The following HDLBP variants were observed in gnomAD, a reference collection of about 807,000 sequenced individuals.
HDLBP encodes the protein high density lipoprotein binding protein.
Under a neutral mutation model 137.3 loss-of-function variants are expected in HDLBP, and 30 were observed. That is an observed-to-expected ratio of 0.22 (90% CI 0.16 to 0.30). The LOEUF (loss-of-function observed/expected upper bound fraction) is 0.30. Ranked by LOEUF, HDLBP falls within the 10% of genes least tolerant of loss-of-function variation. The pLI is 1.00. For missense variants in HDLBP, 1,119 were observed against 1,667.3 expected, an observed-to-expected ratio of 0.67 and a Z score of 5.73; for synonymous variants, 606 against 596.0, an observed-to-expected ratio of 1.02 and a Z score of -0.24.
In HDLBP at chr2:241,272,701, AGCCC is replaced by A. The variant is rs1160192672; in HGVS notation, c.-102-4164_-102-4161del. On this transcript the variant is annotated intron_variant, in intron 1 of 27. Coordinates refer to ENST00000310931, the MANE Select transcript of HDLBP (RefSeq NM_005336.6). This position sits in a 1 kb window ranked among gnomAD's most constrained non-coding sequence, Gnocchi z 5.6. ...GCCACCCCCCACCCCCCCGCCCGGC[AGCCC>A]GCCCGCCCCGTCCGCCCGCCCGCCC... The A allele has an allele frequency of 2.6e-5, 15 of 583,086 alleles. No homozygotes were observed. Among genetic ancestry groups the A allele is most frequent in the Non-Finnish European group, 2.7e-5 (14 of 510,302 alleles). The allele number at this position is 583,086 out of a possible 1,614,324, so 36.1% of individuals were successfully genotyped here.
At chr2:241,296,891 G>A (rs2075200555) in intron 1 of HDLBP, among the ~76,000 whole-genome samples, 2 of 152,254 alleles carry the variant, frequency 1.3e-5, no homozygotes, top group Non-Finnish European at 2.9e-5. Context: ...AGGTGTGACA[G>A]GTGAGGCTCA....
intron 1 of HDLBP, among the ~76,000 whole-genome samples, chr2:241,313,761 C>T (rs959402905): frequency 2.0e-5 from 3 of 152,282 alleles, no homozygotes; most frequent in African/African-American, 7.2e-5. Context: ...GAAATTCTCC[C>T]ACCAGGCCAC....
chr2:241,245,289 T>C (rs949062482), intron 16 of HDLBP, among the ~76,000 whole-genome samples: 69 of 151,528 alleles, frequency 4.6e-4, no homozygotes, highest in African/African-American at 1.6e-3. Context: ...GCTCAAGCCA[T>C]CCTCTCACCT....
In HDLBP at chr2:241,306,330, C is replaced by T. The variant is rs62186418; in HGVS notation, c.-103+9240G>A. Among the ~76,000 whole-genome samples the T allele has an allele frequency of 7.3e-3, 1,106 of 151,580 alleles. 3 individuals carry two copies. The highest frequency in any genetic ancestry group is 0.013 in the Non-Finnish European group (878 of 67,880). On this transcript the variant is annotated intron_variant, in intron 1 of 27. Transcript: ENST00000310931. The stretch of plus-strand genomic sequence containing the variant: ...TGGCTGGAGTGCAATGGCGTGATCT[C>T]GGCTCACTGCAACCTCTGCCTCCCA...
chr2:241,300,813 G>A (rs892891681), intron 1 of HDLBP, among the ~76,000 whole-genome samples: 6 of 152,116 alleles, frequency 3.9e-5, no homozygotes, highest in Non-Finnish European at 8.8e-5. Flanking sequence ...TTGTGCAGAC[G>A]ACAAAGGGAA....
intron 21 of HDLBP, chr2:241,236,408 C>A (rs111837028): frequency 1.8e-5 from 11 of 595,476 alleles, no homozygotes; most frequent in African/African-American, 9.3e-5. Flanking sequence ...GCTATAGAAC[C>A]CCGAGCCTTG....
In HDLBP at chr2:241,262,818, A is replaced by G; in HGVS notation, c.343T>C (p.Leu115=). The G allele has an allele frequency of 6.2e-7, 1 of 1,614,218 alleles. No individual in the cohort carries two copies. Among genetic ancestry groups the G allele is most frequent in the Non-Finnish European group, 8.5e-7 (1 of 1,180,024 alleles). The part of the protein sequence containing the change: ...LEIMQRTGAH[L]ELSLAKDQGL... ...TGGTCTTTGGCCAAAGACAGCTCCA[A>G]GTGAGCACCAGTTCTCTGCATGATC... Residue 115 remains leucine, a synonymous_variant, in exon 5 of 28, where the codon TTG becomes CTG. Coordinates refer to ENST00000310931, the MANE Select transcript of HDLBP (RefSeq NM_005336.6).
chr2:241,232,147 C>T (rs1026992275), intron 24 of HDLBP, among the ~76,000 whole-genome samples: 9 of 152,346 alleles, frequency 5.9e-5, no homozygotes, highest in African/African-American at 2.2e-4. Flanking sequence ...CACCCGCGTG[C>T]TGCCAGGTAC....
chr2:241,306,889 TAAAAAAA>T lies in HDLBP; in HGVS notation c.-103+8674_-103+8680del, dbSNP rs759322405. 1.3e-4 allele frequency among the ~76,000 whole-genome samples: 9 copies of T among 68,910 alleles called. No homozygotes were observed. In the East Asian group the frequency reaches 2.5e-3, roughly 19 times the overall value. The allele number at this position is 68,910 out of a possible 152,430, so 45.2% of individuals were successfully genotyped here. On this transcript the variant is annotated intron_variant, in intron 1 of 27. Coordinates refer to ENST00000310931, the MANE Select transcript of HDLBP (RefSeq NM_005336.6). Reference sequence around the variant, plus strand: ...AGGGAGAGACTCTGTCTCAATAAATTAAAAAAAAAAAAAAAAGTATCCCAAGTCCCCA... The same window carrying T: ...AGGGAGAGACTCTGTCTCAATAAATTAAAAAAAAAGTATCCCAAGTCCCCA...
chr2:241,297,355 T>G (rs758035943), intron 1 of HDLBP, among the ~76,000 whole-genome samples: 5 of 152,162 alleles, frequency 3.3e-5, no homozygotes, highest in South Asian at 4.1e-4. Context: ...GATCTAAGAT[T>G]GTCACTGTTG....
intron 16 of HDLBP, 80 bp downstream of exon 16, chr2:241,246,672 G>A (rs531743294): frequency 1.4e-5 from 20 of 1,422,726 alleles, no homozygotes; most frequent in Admixed American, 3.8e-5. Context: ...ATGACCCTGC[G>A]TGACTCAACC....
rs754606128 is a variant in HDLBP, at chr2:241,235,148, C to T, written c.3117G>A (p.Lys1039=). The change falls in exon 23 of 28, where the codon AAG becomes AAA. Residue 1039 remains lysine, a synonymous_variant. Transcript: ENST00000310931. ...RAKAGLLERV[K]ELQAEQEDRA... ...GGTCCTCCTGCTCGGCCTGTAGCTC[C>T]TTCACACGCTCCAGCAGTCCAGCCT... The T allele has an allele frequency of 8.1e-6, 13 of 1,613,938 alleles. No homozygotes were observed. The South Asian group carries it at 1.4e-4, about 18-fold the overall frequency.
In HDLBP at chr2:241,239,980, T is replaced by C; in HGVS notation, c.2312A>G (p.Gln771Arg). The change falls in exon 18 of 28, where the codon CAG becomes CGG. Residue 771 changes from glutamine (Q) to arginine (R), a missense_variant. Physicochemically the swap from Gln to Arg is conservative, Grantham distance 43. Coordinates refer to ENST00000310931, the MANE Select transcript of HDLBP (RefSeq NM_005336.6). This position sits in a 1 kb window ranked among gnomAD's most constrained non-coding sequence, Gnocchi z 4.6. ...VIFPAAEDKD[Q>R]DLITIIGKED... ...CTTTCCAATGATGGTGATCAGGTCC[T>C]GGTCCTTGTCCTCAGCCGCAGGGAA... 6.2e-7 allele frequency: 1 copy of C among 1,614,246 alleles called. No homozygotes were observed. The highest frequency in any genetic ancestry group is 8.5e-7 in the Non-Finnish European group (1 of 1,180,036).
intron 16 of HDLBP, 76 bp downstream of exon 16, chr2:241,246,676 C>G (rs2071707935): frequency 6.8e-7 from 1 of 1,461,980 alleles, no homozygotes; most frequent in Non-Finnish European, 9.4e-7. Context: ...CCCTGCGTGA[C>G]TCAACCCCAG....
intron 1 of HDLBP, chr2:241,271,001 C>T (rs904675168): frequency 5.3e-5 from 52 of 985,282 alleles, no homozygotes; most frequent in Admixed American, 6.1e-5. Flanking sequence ...TCATGGCCTT[C>T]TCAGGGCCCG....
chr2:241,299,099 T>C (rs1389726660), intron 1 of HDLBP, among the ~76,000 whole-genome samples: 2 of 152,208 alleles, frequency 1.3e-5, no homozygotes, highest in African/African-American at 2.4e-5. Context: ...GTGAGGTTCG[T>C]AGTCCCAACT....
At chr2:241,298,326 A>G (rs1410784765) in intron 1 of HDLBP, among the ~76,000 whole-genome samples, 1 of 152,032 alleles carries the variant, frequency 6.6e-6, no homozygotes, top group Non-Finnish European at 1.5e-5. Context: ...AGATGGCGCC[A>G]TTGCACTCCT....
In HDLBP at chr2:241,228,889, T is replaced by TACCAC. The variant is rs2069387918; in HGVS notation, c.*707_*711dup. 1 of 152,766 alleles carries TACCAC rather than the reference T, an allele frequency of 6.5e-6. No homozygotes were observed. The highest frequency in any genetic ancestry group is 2.1e-4 in the South Asian group (1 of 4,834). 9.5% of individuals were successfully genotyped at this position (152,766 alleles called of 1,614,324 possible). A position where few individuals can be genotyped will look rare whatever the true frequency, so the allele number is the denominator to read the frequency against. On this transcript the variant is annotated 3_prime_UTR_variant, in exon 28 of 28. Transcript: ENST00000310931. ...GGCCACAGGGGACCCAGATGGTGCC[T>TACCAC]ACCACCTTGCCTCCAGGCTCCACTC...
In HDLBP at chr2:241,233,257, CCAGGTGG is replaced by C. The variant is rs2070000405; in HGVS notation, c.3288+556_3288+562del. On this transcript the variant is annotated intron_variant, in intron 24 of 27. Coordinates refer to ENST00000310931, the MANE Select transcript of HDLBP (RefSeq NM_005336.6). This position sits in a 1 kb window ranked among gnomAD's most constrained non-coding sequence, Gnocchi z 4.3. ...GTGTTGGGTGAGGCTGCCCTGCATGCCAGGTGGCAGGGCCCAGAGAGGGGATGGGGCT... is the reference window on the plus strand; with the variant it reads ...GTGTTGGGTGAGGCTGCCCTGCATGCCAGGGCCCAGAGAGGGGATGGGGCT... 6.6e-6 allele frequency among the ~76,000 whole-genome samples: 1 copy of C among 152,170 alleles called. No homozygotes were observed. The highest frequency in any genetic ancestry group is 1.5e-5 in the Non-Finnish European group (1 of 68,026).
Sources: allele counts gnomAD v4.1 joint callset (sites outside exome capture counted in the v4.1 genomes callset), GRCh38; gene constraint gnomAD v4.1.1; non-coding constraint Gnocchi (gnomAD v3.1); transcripts MANE v1.5; gene names NCBI Gene and HGNC (gene_info 2026-07-23, HGNC 2026-07-21).